Variants in LOC400499 observed in about 807,000 individuals in gnomAD.
chr16:11,424,757 G>C, the LOC400499 span, among the ~76,000 whole-genome samples: 2 of 152,260 alleles, frequency 1.3e-5, no homozygotes, highest in African/African-American at 4.8e-5. Context: ...TCGAGCAGGG[G>C]CTGTTGGGAT....
the LOC400499 span, among the ~76,000 whole-genome samples, chr16:11,377,184 T>C: frequency 6.6e-6 from 1 of 152,228 alleles, no homozygotes; most frequent in East Asian, 1.9e-4. Flanking sequence ...CAACTGACTT[T>C]TGTATGTTGA....
the LOC400499 span, among the ~76,000 whole-genome samples, chr16:11,415,068 G>T: frequency 1.3e-5 from 2 of 152,120 alleles, no homozygotes; most frequent in African/African-American, 4.8e-5. Context: ...TTATGGGAGG[G>T]GTAGCCTGCA....
At chr16:11,465,782 G>C in the LOC400499 span, among the ~76,000 whole-genome samples, 1 of 143,510 alleles carries the variant, frequency 7.0e-6, no homozygotes, top group Non-Finnish European at 1.5e-5. Context: ...TGGGCAGAGA[G>C]GGAAAAGAGA....
the LOC400499 span, chr16:11,491,817 G>T: frequency 1.3e-5 from 5 of 398,974 alleles, no homozygotes; most frequent in South Asian, 1.3e-4. Flanking sequence ...CTCCTCCAGG[G>T]ATTGGTATAG....
chr16:11,404,984 C>G, the LOC400499 span: 4 of 397,170 alleles, frequency 1.0e-5, no homozygotes, highest in East Asian at 7.1e-5. Flanking sequence ...TTACAGTTTC[C>G]TGAATGGTGA....
the LOC400499 span, among the ~76,000 whole-genome samples, chr16:11,415,309 A>G: frequency 6.6e-6 from 1 of 152,176 alleles, no homozygotes; most frequent in Non-Finnish European, 1.5e-5. Flanking sequence ...CCGATTCTGT[A>G]TCAGATGCCA....
chr16:11,422,431 AGAACG>A, the LOC400499 span, among the ~76,000 whole-genome samples: 2 of 152,072 alleles, frequency 1.3e-5, no homozygotes, highest in Non-Finnish European at 2.9e-5. Context: ...GGAAAGGAAC[AGAACG>A]GAACGGAAAG....
At chr16:11,521,856 G>A in the LOC400499 span, 1 of 398,024 alleles carries the variant, frequency 2.5e-6, no homozygotes, top group Non-Finnish European at 4.4e-6. Flanking sequence ...CTCCTCTGTT[G>A]ATTAAGCAAA....
chr16:11,412,318 T>C, the LOC400499 span, among the ~76,000 whole-genome samples: 1 of 152,182 alleles, frequency 6.6e-6, no homozygotes, highest in Non-Finnish European at 1.5e-5. Context: ...GCAGCATCCG[T>C]GGCCTCTATA....
At chr16:11,487,654 G>A in the LOC400499 span, among the ~76,000 whole-genome samples, 11 of 152,318 alleles carry the variant, frequency 7.2e-5, no homozygotes, top group African/African-American at 2.6e-4. Flanking sequence ...GAATGGCTGA[G>A]GTAGTTTTGG....
chr16:11,494,702 ACCAGGGCTGAGATGCCCAGGAAGGCG>A, the LOC400499 span: 9 of 398,986 alleles, frequency 2.3e-5, no homozygotes, highest in Non-Finnish European at 3.5e-5. Flanking sequence ...GAGGTTGTGC[ACCAGGGCTGAGATGCCCAGGAAGGCG>A]CCAGGGCTGG....
At chr16:11,394,514 G>A in the LOC400499 span, among the ~76,000 whole-genome samples, 2 of 152,258 alleles carry the variant, frequency 1.3e-5, no homozygotes, top group Non-Finnish European at 2.9e-5. Context: ...GAGTGTGTGT[G>A]CGCGTGCACG....
chr16:11,422,884 A>G, the LOC400499 span, among the ~76,000 whole-genome samples: 1 of 152,150 alleles, frequency 6.6e-6, no homozygotes, highest in African/African-American at 2.4e-5. Context: ...CCAGCTGCCC[A>G]TGACAGAGGT....
the LOC400499 span, among the ~76,000 whole-genome samples, chr16:11,451,993 G>A: frequency 0.011 from 1,637 of 152,242 alleles, 19 homozygotes; most frequent in African/African-American, 0.038. Flanking sequence ...CCACCCAGTT[G>A]CTTGATTGAC....
the LOC400499 span, among the ~76,000 whole-genome samples, chr16:11,374,984 G>C: frequency 6.6e-6 from 1 of 152,030 alleles, no homozygotes; most frequent in African/African-American, 2.4e-5. Context: ...AAATAGCTGG[G>C]ATTACAGGCC....
chr16:11,395,806 TG>T, the LOC400499 span, among the ~76,000 whole-genome samples: 2 of 152,286 alleles, frequency 1.3e-5, no homozygotes, highest in African/African-American at 4.8e-5. Context: ...AGAGAGCACC[TG>T]CTACGTCACG....
the LOC400499 span, among the ~76,000 whole-genome samples, chr16:11,511,965 TTCCAGCCTGGGCGACAGACCAAGACTG>T: frequency 6.6e-6 from 1 of 152,038 alleles, no homozygotes; most frequent in Non-Finnish European, 1.5e-5. Context: ...TACCATTGCA[TTCCAGCCTGGGCGACAGACCAAGACTG>T]TCTCTTAAGT....
At chr16:11,419,211 T>A in the LOC400499 span, among the ~76,000 whole-genome samples, 2 of 151,908 alleles carry the variant, frequency 1.3e-5, no homozygotes, top group African/African-American at 4.8e-5. Context: ...ACTACAAGGC[T>A]ACAGTAACCA....
the LOC400499 span, among the ~76,000 whole-genome samples, chr16:11,505,842 A>C: frequency 6.6e-6 from 1 of 152,046 alleles, no homozygotes; most frequent in Admixed American, 6.6e-5. Context: ...GATAATTGCG[A>C]TATCCATCAC....
Sources: gnomAD v4.1 joint callset for allele counts (sites outside exome capture counted in the v4.1 genomes callset) on GRCh38, gnomAD v4.1.1 for gene constraint, MANE v1.5 for transcripts.